PFKFB3: variants seen among roughly 807,000 people sequenced by gnomAD.
PFKFB3 encodes the protein 6-phosphofructo-2-kinase/fructose-2,6-bisphosphatase 3.
Under a neutral mutation model 68.0 loss-of-function variants are expected in PFKFB3, and 33 were observed. The observed-to-expected ratio is 0.49, with a 90% CI of 0.37 to 0.65. PFKFB3 has a LOEUF of 0.65. PFKFB3 is among the 30% of genes least tolerant of loss of function. The pLI is 0.00. For synonymous variants in PFKFB3, 315 were observed against 288.2 expected, an observed-to-expected ratio of 1.09 and a Z score of -0.94; for missense variants, 586 against 712.2, an observed-to-expected ratio of 0.82 and a Z score of 2.02.
chr10:6,192,183 C>G (rs1202768192), intron 1 of PFKFB3, among the ~76,000 whole-genome samples: 2 of 147,492 alleles, frequency 1.4e-5, no homozygotes, highest in African/African-American at 5.0e-5. Flanking sequence ...CACACACACA[C>G]AGCTTTCTGA....
At chr10:6,262,338 C>T in the PFKFB3 span, among the ~76,000 whole-genome samples, 1 of 138,396 alleles carries the variant, frequency 7.2e-6, no homozygotes, top group Non-Finnish European at 1.6e-5. Flanking sequence ...CCTGTAGTCC[C>T]AGCTGCTCCA....
chr10:6,283,208 T>C, the PFKFB3 span, among the ~76,000 whole-genome samples: 1 of 152,164 alleles, frequency 6.6e-6, no homozygotes, highest in South Asian at 2.1e-4. Flanking sequence ...CATCAGGTGA[T>C]CCACCCGCCT....
intron 1 of PFKFB3, among the ~76,000 whole-genome samples, chr10:6,205,887 T>C (rs1010859416): frequency 3.3e-5 from 5 of 151,980 alleles, no homozygotes; most frequent in Admixed American, 3.3e-4. Flanking sequence ...AACCACCAAC[T>C]CTTGGGCTCA....
At chr10:6,191,514 C>A (rs764207898) in intron 1 of PFKFB3, among the ~76,000 whole-genome samples, 1 of 152,226 alleles carries the variant, frequency 6.6e-6, no homozygotes, top group Non-Finnish European at 1.5e-5. Context: ...ACTTGAGGTG[C>A]AGGACAGTGC....
upstream of PFKFB3, among the ~76,000 whole-genome samples, chr10:6,200,668 G>T (rs1269560973): frequency 9.6e-5 from 13 of 135,554 alleles, no homozygotes; most frequent in Admixed American, 8.5e-4. Flanking sequence ...GCGGGGGGGG[G>T]GGGGGGGCGG....
chr10:6,320,640 G>A, the PFKFB3 span, among the ~76,000 whole-genome samples: 1 of 152,136 alleles, frequency 6.6e-6, no homozygotes, highest in Admixed American at 6.5e-5. Flanking sequence ...GCCCAGGCTG[G>A]TCTTGAACTC....
At chr10:6,177,003 C>G (rs546140644) in intron 1 of PFKFB3, among the ~76,000 whole-genome samples, 5 of 152,204 alleles carry the variant, frequency 3.3e-5, no homozygotes, top group Non-Finnish European at 7.3e-5. Flanking sequence ...CCTGACTTCC[C>G]GCTCCTGCCT....
intron 14 of PFKFB3, among the ~76,000 whole-genome samples, chr10:6,242,112 G>A (rs1179789728): frequency 1.3e-5 from 2 of 152,106 alleles, no homozygotes; most frequent in South Asian, 2.1e-4. Context: ...TCAAAGTGCA[G>A]GGATTATAGG....
chr10:6,319,636 A>C, the PFKFB3 span, among the ~76,000 whole-genome samples: 1 of 152,130 alleles, frequency 6.6e-6, no homozygotes, highest in South Asian at 2.1e-4. Context: ...CAAAACTGTA[A>C]AAATAATTGT....
Position 6,235,156 on chromosome 10 carries a change from C to T in PFKFB3, c.*2214C>T, listed in dbSNP as rs1238820985. ...ATTTGTTTTTGGGTGAGTTTCCCCC[C>T]TCCTTATTCTGTCCTGAGACCACGG... On this transcript the variant is annotated 3_prime_UTR_variant, in exon 15 of 15. Coordinates refer to ENST00000379775, the MANE Select transcript of PFKFB3 (RefSeq NM_004566.4). The T allele has an allele frequency of 3.3e-5, 5 of 152,728 alleles. No homozygotes were observed. Among genetic ancestry groups the T allele is most frequent in the African/African-American group, 1.2e-4 (5 of 41,424 alleles). The allele number at this position is 152,728 out of a possible 1,614,324, so 9.5% of individuals were successfully genotyped here. A position where few individuals can be genotyped will look rare whatever the true frequency, so the allele number is the denominator to read the frequency against.
intron 14 of PFKFB3, among the ~76,000 whole-genome samples, chr10:6,246,965 G>A (rs549312133): frequency 1.3e-5 from 2 of 152,336 alleles, no homozygotes; most frequent in South Asian, 2.1e-4. Flanking sequence ...AGGCTGGTGC[G>A]GCGCCCTTGC....
At chr10:6,184,887 C>T (rs583599) in intron 1 of PFKFB3, among the ~76,000 whole-genome samples, 9 of 151,330 alleles carry the variant, frequency 5.9e-5, no homozygotes, top group East Asian at 3.9e-4. Flanking sequence ...GGGCTACAGG[C>T]GTGAGCCAGC....
chr10:6,220,968 G>GCTC lies in PFKFB3; in HGVS notation c.831+105_831+106insCCT, dbSNP rs541952751. On this transcript the variant is annotated intron_variant, in intron 8 of 14. Transcript: ENST00000379775. The surrounding 1 kb of genome is among the most constrained non-coding windows in gnomAD (Gnocchi z 4.1). ...TGCTGCTGCTGCTGCTGCTGCTGCTGCTTGGTGTGCTTGCTGTGTGTGTTA... is the reference window on the plus strand; with the variant it reads ...TGCTGCTGCTGCTGCTGCTGCTGCTGCTCCTTGGTGTGCTTGCTGTGTGTGTTA... 211 of 1,123,796 alleles carry GCTC rather than the reference G, an allele frequency of 1.9e-4. No individual in the cohort carries two copies. The African/African-American group carries it at 3.0e-3, about 16-fold the overall frequency. 69.6% of individuals were successfully genotyped at this position (1,123,796 alleles called of 1,614,324 possible).
At chr10:6,313,509 G>C in the PFKFB3 span, among the ~76,000 whole-genome samples, 4 of 152,140 alleles carry the variant, frequency 2.6e-5, no homozygotes, top group African/African-American at 9.7e-5. This position sits in a 1 kb window ranked among gnomAD's most constrained non-coding sequence, Gnocchi z 4.2. Context: ...GTAAGTTCCT[G>C]CTCCCACTTT....
chr10:6,232,956 G>C lies in PFKFB3; in HGVS notation c.*14G>C. ...AGGAAACACTGAGGCAGACGTGTCG[G>C]TTCCATTCCATTTCCATTTCTGCAG... On this transcript the variant is annotated 3_prime_UTR_variant, in exon 15 of 15. Transcript: ENST00000379775. 1 of 1,605,126 alleles carries C rather than the reference G, an allele frequency of 6.2e-7. No individual in the cohort carries two copies. The highest frequency in any genetic ancestry group is 8.5e-7 in the Non-Finnish European group (1 of 1,172,138).
intron 1 of PFKFB3, among the ~76,000 whole-genome samples, chr10:6,208,263 C>T (rs1356733466): frequency 6.6e-6 from 1 of 151,242 alleles, no homozygotes; most frequent in East Asian, 1.9e-4. Context: ...TTTGCACAAA[C>T]GGGGTCTCTC....
In PFKFB3 at chr10:6,229,130, G is replaced by A. The variant is rs1419865648; in HGVS notation, c.1515+2765G>A. ...GCAGAAACTGGAAAGGTGTGATGAG[G>A]AATGCAGCCTGAGATGCTGAAAAGA... On this transcript the variant is annotated intron_variant, in intron 14 of 14. Transcript: ENST00000379775. This position sits in a 1 kb window ranked among gnomAD's most constrained non-coding sequence, Gnocchi z 4.3. 1.9e-6 allele frequency: 1 copy of A among 521,118 alleles called. No individual in the cohort carries two copies. Among genetic ancestry groups the A allele is most frequent in the Non-Finnish European group, 3.9e-6 (1 of 254,376 alleles). 32.3% of individuals were successfully genotyped at this position (521,118 alleles called of 1,614,324 possible). A position where few individuals can be genotyped will look rare whatever the true frequency, so the allele number is the denominator to read the frequency against.
the PFKFB3 span, among the ~76,000 whole-genome samples, chr10:6,289,730 A>G: frequency 3.3e-5 from 5 of 152,234 alleles, no homozygotes; most frequent in South Asian, 2.1e-4. Flanking sequence ...GTTTTTTCCA[A>G]TTCTGTGAAG....
At chr10:6,187,626 T>C (rs1334532229) in intron 1 of PFKFB3, among the ~76,000 whole-genome samples, 2 of 152,196 alleles carry the variant, frequency 1.3e-5, no homozygotes, top group Non-Finnish European at 2.9e-5. Flanking sequence ...CTTTCAGCAT[T>C]GGTGTTTGAA....
Sources: allele counts gnomAD v4.1 joint callset (sites outside exome capture counted in the v4.1 genomes callset), GRCh38; gene constraint gnomAD v4.1.1; non-coding constraint Gnocchi (gnomAD v3.1); transcripts MANE v1.5; gene names NCBI Gene and HGNC (gene_info 2026-07-23, HGNC 2026-07-21).